SLC44A5: variants seen among roughly 807,000 people sequenced by gnomAD.
SLC44A5 encodes the protein choline transporter-like protein 5.
In SLC44A5, 57 loss-of-function variants were observed where a neutral mutation model predicts 101.8. The ratio of observed to expected loss-of-function variants is 0.56; its 90% CI spans 0.45 to 0.70. The LOEUF (loss-of-function observed/expected upper bound fraction) is 0.70. Ranked by LOEUF, SLC44A5 falls within the 30% of genes least tolerant of loss-of-function variation. The pLI, the probability that SLC44A5 is intolerant of heterozygous loss-of-function variation, is 0.00. For synonymous variants in SLC44A5, 281 were observed against 290.9 expected (o/e 0.97, Z 0.35); for missense variants, 737 against 853.1 (o/e 0.86, Z 1.70).
intron 2 of SLC44A5, among the ~76,000 whole-genome samples, chr1:75,400,663 T>C (rs993961759): frequency 3.9e-5 from 6 of 152,208 alleles, no homozygotes; most frequent in Non-Finnish European, 8.8e-5. Flanking sequence ...TCTGGGCTTC[T>C]GCCTTAGTTG....
intron 5 of SLC44A5, among the ~76,000 whole-genome samples, chr1:75,296,367 T>C (rs1225857014): frequency 0.029 from 308 of 10,622 alleles, 1 homozygote; most frequent in African/African-American, 0.12. Flanking sequence ...TTTTTTTTTC[T>C]TTTTTTTTTT....
At chr1:75,340,406 A>G (rs1485491911) in intron 3 of SLC44A5, among the ~76,000 whole-genome samples, 2 of 151,708 alleles carry the variant, frequency 1.3e-5, no homozygotes, top group South Asian at 2.1e-4. Context: ...CAACCTAAGC[A>G]CTCCCACCTG....
chr1:75,685,819 C>A, the SLC44A5 span, among the ~76,000 whole-genome samples: 2 of 152,066 alleles, frequency 1.3e-5, no homozygotes, highest in East Asian at 3.9e-4. Context: ...TCTGTGGTAC[C>A]AATTTACTGT....
chr1:75,335,616 T>C (rs1657382767), intron 4 of SLC44A5, among the ~76,000 whole-genome samples: 1 of 152,200 alleles, frequency 6.6e-6, no homozygotes, highest in East Asian at 1.9e-4. Context: ...ACAGAGTTGT[T>C]TGATCATCAT....
the SLC44A5 span, among the ~76,000 whole-genome samples, chr1:75,665,894 A>T: frequency 5.3e-5 from 8 of 152,198 alleles, no homozygotes; most frequent in African/African-American, 1.9e-4. Flanking sequence ...TGATCAGAGA[A>T]ATGCACATCA....
upstream of SLC44A5, among the ~76,000 whole-genome samples, chr1:75,612,290 T>C (rs1168115753): frequency 1.3e-5 from 2 of 152,138 alleles, no homozygotes; most frequent in Non-Finnish European, 2.9e-5. Flanking sequence ...GAATATCCAA[T>C]GGCTTCTCAT....
At chr1:75,670,952 A>G in the SLC44A5 span, among the ~76,000 whole-genome samples, 1 of 152,240 alleles carries the variant, frequency 6.6e-6, no homozygotes, top group South Asian at 2.1e-4. Context: ...CGTCATGAAG[A>G]AAGAAGTTTA....
chr1:75,616,752 C>G, the SLC44A5 span, among the ~76,000 whole-genome samples: 1 of 152,180 alleles, frequency 6.6e-6, no homozygotes, highest in Non-Finnish European at 1.5e-5. Context: ...AGGCAGCCCA[C>G]GGGCAGACAC....
At chr1:75,283,547 G>A (rs1023318539) in intron 5 of SLC44A5, among the ~76,000 whole-genome samples, 3 of 152,008 alleles carry the variant, frequency 2.0e-5, no homozygotes, top group African/African-American at 7.2e-5. Flanking sequence ...TTGCTTGTGG[G>A]TTCTTGGTCA....
intron 3 of SLC44A5, chr1:75,357,182 C>T (rs181698621): frequency 2.6e-5 from 12 of 455,674 alleles, no homozygotes; most frequent in African/African-American, 1.6e-4. Flanking sequence ...AAAGAATTAA[C>T]GTTATGCCTT....
chr1:75,338,530 G>A (rs1229726184), intron 4 of SLC44A5, among the ~76,000 whole-genome samples: 1 of 152,126 alleles, frequency 6.6e-6, no homozygotes, highest in Admixed American at 6.5e-5. Context: ...ATTGTAAAAT[G>A]GATGTAATCA....
At chr1:75,516,068 T>C (rs1403814395) in intron 2 of SLC44A5, among the ~76,000 whole-genome samples, 4 of 152,206 alleles carry the variant, frequency 2.6e-5, no homozygotes, top group African/African-American at 9.6e-5. Context: ...TCAGTTCAGT[T>C]TTCCAATTAT....
intron 6 of SLC44A5, among the ~76,000 whole-genome samples, chr1:75,257,249 A>G (rs892748643): frequency 6.6e-6 from 1 of 152,174 alleles, no homozygotes; most frequent in Non-Finnish European, 1.5e-5. Flanking sequence ...CCATTTTGTC[A>G]GAGGTCAGTG....
At chr1:75,300,827 A>C (rs991393919) in intron 4 of SLC44A5, 142 bp from the exon 5 acceptor site, 59 of 502,894 alleles carry the variant, frequency 1.2e-4, no homozygotes, top group African/African-American at 8.7e-4. Flanking sequence ...TAATTTTGAA[A>C]GGTAGATCAG....
chr1:75,496,179 C>T (rs1668662064), intron 2 of SLC44A5, among the ~76,000 whole-genome samples: 1 of 152,090 alleles, frequency 6.6e-6, no homozygotes, highest in African/African-American at 2.4e-5. Flanking sequence ...AAGTTGACAA[C>T]ATCACACTTT....
chr1:75,678,298 C>T, the SLC44A5 span, among the ~76,000 whole-genome samples: 3 of 152,178 alleles, frequency 2.0e-5, no homozygotes, highest in South Asian at 4.1e-4. Flanking sequence ...TAGGCTCCAC[C>T]TCTGGGGGCA....
intron 2 of SLC44A5, among the ~76,000 whole-genome samples, chr1:75,452,596 A>C (rs983186764): frequency 3.3e-5 from 5 of 150,376 alleles, no homozygotes; most frequent in African/African-American, 5.0e-5. Flanking sequence ...GTTAAAAGGC[A>C]AAGAGTGGCA....
chr1:75,306,981 A>G (rs1356301784), intron 4 of SLC44A5, among the ~76,000 whole-genome samples: 4 of 150,970 alleles, frequency 2.6e-5, no homozygotes, highest in African/African-American at 9.7e-5. Flanking sequence ...CTCGTGATCC[A>G]CCCGCCTCGG....
At chr1:75,213,824 T>C (rs372758117) in intron 21 of SLC44A5, 31 bp from the exon 22 acceptor site, 1 of 1,568,544 alleles carries the variant, frequency 6.4e-7, no homozygotes, top group Admixed American at 1.7e-5. Context: ...ATGTATATTA[T>C]ACTTTTGCAA....
Sources: allele counts gnomAD v4.1 joint callset (sites outside exome capture counted in the v4.1 genomes callset), GRCh38; gene constraint gnomAD v4.1.1; transcripts MANE v1.5; gene names NCBI Gene and HGNC (gene_info 2026-07-23, HGNC 2026-07-21).